The following CACNA1C variants were observed in gnomAD, a reference collection of about 807,000 sequenced individuals.
CACNA1C encodes the protein voltage-dependent L-type calcium channel subunit alpha-1C.
A neutral mutation model predicts 229.0 loss-of-function variants in CACNA1C; 30 were observed. The ratio of observed to expected loss-of-function variants is 0.13; its 90% CI spans 0.10 to 0.18. CACNA1C has a LOEUF of 0.18. CACNA1C is among the 10% of genes least tolerant of loss of function. The probability of loss-of-function intolerance (pLI) is 1.00; values close to 1 mark genes in which losing one functional copy is unlikely to be tolerated. For synonymous variants in CACNA1C, 1,114 were observed against 1,132.5 expected (o/e 0.98, Z 0.33); for missense variants, 1,658 against 2,845.0 (o/e 0.58, Z 9.49).
At position 2,651,627 on chromosome 12, in the gene CACNA1C, C is replaced by T. The variant is rs757785634; in HGVS notation, c.3946-13C>T. Reference sequence around the variant, plus strand: ...CTGTGCTAACTGCACCTCCTGTTGCCGACGGGTTCCAGAACGCAGAGGAAA... The same window carrying T: ...CTGTGCTAACTGCACCTCCTGTTGCTGACGGGTTCCAGAACGCAGAGGAAA... On this transcript the variant is annotated splice_polypyrimidine_tract_variant and intron_variant, in intron 31 of 46. Transcript: ENST00000399655. This position sits in a 1 kb window ranked among gnomAD's most constrained non-coding sequence, Gnocchi z 5.4. The T allele has an allele frequency of 8.1e-6, 13 of 1,613,748 alleles. No homozygotes were observed. The highest frequency in any genetic ancestry group is 5.0e-5 in the Admixed American group (3 of 59,996).
chr12:2,085,835 T>C (rs1443919724), intron 1 of CACNA1C, among the ~76,000 whole-genome samples: 3 of 152,188 alleles, frequency 2.0e-5, no homozygotes, highest in Admixed American at 6.5e-5. Flanking sequence ...ATCGTCTTAC[T>C]GTTCTCAGCT....
chr12:2,047,090 G>A (rs912512282), intron 1 of CACNA1C, among the ~76,000 whole-genome samples: 9 of 152,158 alleles, frequency 5.9e-5, no homozygotes, highest in Non-Finnish European at 1.0e-4. Context: ...CCACAGTAGC[G>A]GCCAGTGCAC....
intron 9 of CACNA1C, among the ~76,000 whole-genome samples, chr12:2,521,023 C>T (rs115209352): frequency 0.016 from 2,376 of 152,342 alleles, 67 homozygotes; most frequent in African/African-American, 0.054. Flanking sequence ...CTTGGGGAGA[C>T]GCCTACTTGA....
intron 3 of CACNA1C, among the ~76,000 whole-genome samples, chr12:2,340,684 G>A (rs1309705044): frequency 6.6e-6 from 1 of 152,244 alleles, no homozygotes; most frequent in Non-Finnish European, 1.5e-5. Context: ...CTGGCTGGGT[G>A]TGGTGGCTCA....
chr12:2,016,874 G>A (rs946352354), intron 1 of CACNA1C, among the ~76,000 whole-genome samples: 1 of 152,136 alleles, frequency 6.6e-6, no homozygotes, highest in Non-Finnish European at 1.5e-5. Context: ...GACGTGGCCT[G>A]GGCATTGAGT....
chr12:2,080,101 A>T (rs913003654), intron 1 of CACNA1C, among the ~76,000 whole-genome samples: 2 of 152,024 alleles, frequency 1.3e-5, no homozygotes, highest in Non-Finnish European at 2.9e-5. Context: ...TCTCTACTAA[A>T]AATAACAAAA....
At chr12:2,552,991 A>G (rs2042136459) in intron 10 of CACNA1C, among the ~76,000 whole-genome samples, 1 of 90,116 alleles carries the variant, frequency 1.1e-5, no homozygotes. Flanking sequence ...ATAGGAAGGC[A>G]TTGCTTCTGA....
chr12:2,614,195 C>G (rs906297365), intron 29 of CACNA1C: 6 of 152,224 alleles, frequency 3.9e-5, no homozygotes, highest in African/African-American at 1.4e-4. Flanking sequence ...TAAAGTGCCT[C>G]CTAATTTCCT....
At chr12:2,620,576 A>G (rs932141759) in intron 29 of CACNA1C, among the ~76,000 whole-genome samples, 9 of 152,136 alleles carry the variant, frequency 5.9e-5, no homozygotes, top group Non-Finnish European at 1.2e-4. Flanking sequence ...TCATTCAGCC[A>G]TTCTGTCTGT....
At chr12:2,313,405 G>A (rs1339413026) in intron 3 of CACNA1C, among the ~76,000 whole-genome samples, 3 of 152,168 alleles carry the variant, frequency 2.0e-5, no homozygotes, top group Non-Finnish European at 4.4e-5. Context: ...ACAAAGTGGG[G>A]GCTTTGAGTT....
At chr12:2,582,584 C>A (rs1257861942) in intron 14 of CACNA1C, among the ~76,000 whole-genome samples, 1 of 152,072 alleles carries the variant, frequency 6.6e-6, no homozygotes, top group Non-Finnish European at 1.5e-5. Context: ...GATCTTTGGG[C>A]CAAAAAGCCC....
At chr12:2,234,249 G>T (rs189528435) in intron 3 of CACNA1C, among the ~76,000 whole-genome samples, 1 of 152,180 alleles carries the variant, frequency 6.6e-6, no homozygotes, top group African/African-American at 2.4e-5. Context: ...TGTTTCTATT[G>T]GTTCCTTTCT....
chr12:2,507,645 C>G (rs965333158), intron 8 of CACNA1C, among the ~76,000 whole-genome samples: 2 of 152,230 alleles, frequency 1.3e-5, no homozygotes, highest in African/African-American at 2.4e-5. Context: ...CTGTGTCAGG[C>G]TCCGTGCTCG....
rs1280837111 is a variant in CACNA1C, at chr12:2,595,050, A to G, written c.2664-824A>G. On this transcript the variant is annotated intron_variant, in intron 19 of 46. Transcript: ENST00000399655. The surrounding 1 kb of genome is among the most constrained non-coding windows in gnomAD (Gnocchi z 4.1). ...TTTGAAGCAGATGATTCTTACAGCC[A>G]TCTCCTAACTCTTATAAACCAGAAT... Among the ~76,000 whole-genome samples the G allele has an allele frequency of 6.6e-6, 1 of 152,228 alleles. No homozygotes were observed. Among genetic ancestry groups the G allele is most frequent in the Non-Finnish European group, 1.5e-5 (1 of 68,044 alleles).
Position 2,677,002 on chromosome 12 carries a change from A to G in CACNA1C, c.4829-92A>G. ...CTCTCCAAAAATATTAAAGTTTTAA[A>G]AAGTTTTGGATGCTGAAAAAAAAAA... On this transcript the variant is annotated intron_variant, in intron 39 of 46. Coordinates refer to ENST00000399655, the MANE Select transcript of CACNA1C (RefSeq NM_000719.7). This position sits in a 1 kb window ranked among gnomAD's most constrained non-coding sequence, Gnocchi z 7.4. 4 of 1,084,600 alleles carry G rather than the reference A, an allele frequency of 3.7e-6. No individual in the cohort carries two copies. Among genetic ancestry groups the G allele is most frequent in the Non-Finnish European group, 4.1e-6 (3 of 736,266 alleles). 67.2% of individuals were successfully genotyped at this position (1,084,600 alleles called of 1,614,324 possible).
chr12:2,572,329 CCTTCTCTTCTTCCTCCTCCTCCTCCT>C (rs2055169454), intron 13 of CACNA1C, among the ~76,000 whole-genome samples: 1 of 143,242 alleles, frequency 7.0e-6, no homozygotes. Context: ...TCTTCCTCCT[CCTTCTCTTCTTCCTCCTCCTCCTCCT>C]CTCCTCCTCC....
intron 3 of CACNA1C, among the ~76,000 whole-genome samples, chr12:2,351,369 T>A (rs942518922): frequency 6.6e-6 from 1 of 152,208 alleles, no homozygotes; most frequent in Admixed American, 6.5e-5. Context: ...CAGCCTCCGA[T>A]GGCCATTGGC....
Position 2,275,359 on chromosome 12 carries a change from CAG to C in CACNA1C, c.477+154930_477+154931del, listed in dbSNP as rs2087295861. Among the ~76,000 whole-genome samples, 1 of 152,186 alleles carries C rather than the reference CAG, an allele frequency of 6.6e-6. No homozygotes were observed. The highest frequency in any genetic ancestry group is 2.4e-5 in the African/African-American group (1 of 41,448). On this transcript the variant is annotated intron_variant, in intron 3 of 46. Transcript: ENST00000399655. The surrounding 1 kb of genome is among the most constrained non-coding windows in gnomAD (Gnocchi z 4.1). ...ACCCCGACTCCTCACCATCACCCAA[CAG>C]GGGACAGTCCTGCTGGCTGTGTCTT...
chr12:2,303,375 G>A (rs2094733516), intron 3 of CACNA1C, among the ~76,000 whole-genome samples: 1 of 152,106 alleles, frequency 6.6e-6, no homozygotes, highest in Non-Finnish European at 1.5e-5. Flanking sequence ...GTATCCCTCT[G>A]TGCGTCCGTG....
Sources: gnomAD v4.1 joint callset for allele counts (sites outside exome capture counted in the v4.1 genomes callset) on GRCh38, gnomAD v4.1.1 for gene constraint, Gnocchi (gnomAD v3.1) non-coding constraint, MANE v1.5 for transcripts, NCBI Gene and HGNC (gene_info 2026-07-23, HGNC 2026-07-21) for gene names.